Variants in CNTNAP5 observed in about 807,000 individuals in gnomAD.
CNTNAP5 encodes the protein contactin associated protein family member 5, also known as contactin-associated protein-like 5.
A neutral mutation model predicts 150.2 loss-of-function variants in CNTNAP5; 72 were observed. That is an observed-to-expected ratio of 0.48 (90% CI 0.40 to 0.58). The LOEUF (loss-of-function observed/expected upper bound fraction) is 0.58, where lower values mean the gene tolerates loss of function less well. Ranked by LOEUF, CNTNAP5 falls within the 20% of genes least tolerant of loss-of-function variation. CNTNAP5 has a pLI of 0.00. For synonymous variants in CNTNAP5, 672 were observed against 619.8 expected, an observed-to-expected ratio of 1.08 and a Z score of -1.25; for missense variants, 1,636 against 1,626.2, an observed-to-expected ratio of 1.01 and a Z score of -0.10.
intron 4 of CNTNAP5, among the ~76,000 whole-genome samples, chr2:124,425,679 C>G (rs1355244832): frequency 6.6e-6 from 1 of 152,086 alleles, no homozygotes; most frequent in African/African-American, 2.4e-5. Flanking sequence ...TTCAATCCCA[C>G]AAGTCCTCAT....
intron 5 of CNTNAP5, among the ~76,000 whole-genome samples, chr2:124,445,247 G>T (rs1186203220): frequency 2.6e-5 from 4 of 151,558 alleles, no homozygotes; most frequent in Admixed American, 2.0e-4. Flanking sequence ...CCATCACCTT[G>T]CCTGGCTAAT....
intron 21 of CNTNAP5, among the ~76,000 whole-genome samples, chr2:124,883,517 C>T (rs796850929): frequency 1.6e-4 from 25 of 152,134 alleles, no homozygotes; most frequent in African/African-American, 6.0e-4. Flanking sequence ...CCAAGCTAAG[C>T]TTTCAGAGTT....
chr2:124,056,693 C>A, intron 1 of CNTNAP5, among the ~76,000 whole-genome samples: 1 of 152,110 alleles, frequency 6.6e-6, no homozygotes, highest in East Asian at 1.9e-4. Flanking sequence ...GGAGTGACTA[C>A]TCCTGCCATG....
chr2:124,485,059 C>G (rs1266421051), intron 7 of CNTNAP5, among the ~76,000 whole-genome samples: 1 of 152,032 alleles, frequency 6.6e-6, no homozygotes, highest in Non-Finnish European at 1.5e-5. Context: ...CACCTTTTGT[C>G]ACAAGATTCA....
At position 124,279,945 on chromosome 2, in the gene CNTNAP5, C is replaced by G. The variant is rs146220756; in HGVS notation, c.381+37552C>G. Among the ~76,000 whole-genome samples the G allele has an allele frequency of 2.8e-3, 427 of 152,140 alleles. 3 individuals carry two copies. Among genetic ancestry groups the G allele is most frequent in the Admixed American group, 9.0e-3 (138 of 15,262 alleles). On this transcript the variant is annotated intron_variant, in intron 3 of 23. Transcript: ENST00000682447. ...AAAAAATGTACATTTAACCTCTGTTCCATGCCTTTCGTCCTCCTAATATTT... is the reference window on the plus strand; with the variant it reads ...AAAAAATGTACATTTAACCTCTGTTGCATGCCTTTCGTCCTCCTAATATTT...
intron 13 of CNTNAP5, among the ~76,000 whole-genome samples, chr2:124,713,947 G>A (rs1573567827): frequency 6.6e-6 from 1 of 152,080 alleles, no homozygotes; most frequent in Non-Finnish European, 1.5e-5. Flanking sequence ...ATGAATTACA[G>A]CCTCCAGATA....
intron 6 of CNTNAP5, among the ~76,000 whole-genome samples, chr2:124,459,234 T>C (rs2104818833): frequency 6.6e-6 from 1 of 152,294 alleles, no homozygotes; most frequent in African/African-American, 2.4e-5. Context: ...AGCCACAGGC[T>C]TGCACCGCAG....
chr2:124,834,240 A>G (rs1041736393), intron 19 of CNTNAP5, among the ~76,000 whole-genome samples: 9 of 152,130 alleles, frequency 5.9e-5, no homozygotes, highest in African/African-American at 2.2e-4. Context: ...ACAAACTTCA[A>G]ATTTGAGTGG....
intron 1 of CNTNAP5, among the ~76,000 whole-genome samples, chr2:124,110,872 G>T (rs1477648671): frequency 1.3e-5 from 2 of 152,108 alleles, no homozygotes; most frequent in African/African-American, 4.8e-5. Context: ...TCTGCACAAA[G>T]GCCCTTGATA....
chr2:124,892,785 G>A (rs1433394552), intron 21 of CNTNAP5, among the ~76,000 whole-genome samples: 1 of 152,104 alleles, frequency 6.6e-6, no homozygotes, highest in Non-Finnish European at 1.5e-5. Flanking sequence ...TTTGAAGCGG[G>A]CTGCAAAACA....
At chr2:124,480,033 A>G (rs1056486795) in intron 7 of CNTNAP5, among the ~76,000 whole-genome samples, 1 of 152,190 alleles carries the variant, frequency 6.6e-6, no homozygotes, top group Non-Finnish European at 1.5e-5. Context: ...TTGACATATA[A>G]GCCAATATTT....
At chr2:124,182,039 G>A (rs1176904435) in intron 1 of CNTNAP5, among the ~76,000 whole-genome samples, 1 of 152,164 alleles carries the variant, frequency 6.6e-6, no homozygotes, top group Admixed American at 6.5e-5. Flanking sequence ...GCTATAATAT[G>A]TAGAGTTTTG....
chr2:124,515,782 A>G (rs987494812), intron 8 of CNTNAP5, among the ~76,000 whole-genome samples: 2 of 152,194 alleles, frequency 1.3e-5, no homozygotes, highest in Non-Finnish European at 2.9e-5. Context: ...TAATGAACAC[A>G]TGGTCCAGCT....
chr2:124,439,090 C>G (rs1692612277), intron 5 of CNTNAP5, among the ~76,000 whole-genome samples: 1 of 152,050 alleles, frequency 6.6e-6, no homozygotes, highest in Non-Finnish European at 1.5e-5. Flanking sequence ...AAATATCAGG[C>G]AAACAATATG....
intron 7 of CNTNAP5, among the ~76,000 whole-genome samples, chr2:124,495,451 G>A (rs1457926900): frequency 6.6e-6 from 1 of 152,232 alleles, no homozygotes; most frequent in East Asian, 1.9e-4. Flanking sequence ...CCATCTCTGA[G>A]GCCAAAGGCA....
intron 3 of CNTNAP5, among the ~76,000 whole-genome samples, chr2:124,333,979 T>G (rs1163381407): frequency 2.0e-5 from 3 of 152,072 alleles, no homozygotes; most frequent in Admixed American, 6.6e-5. Flanking sequence ...AAAGGTCGAG[T>G]GTCCTCTTAC....
At position 124,699,973 on chromosome 2, in the gene CNTNAP5, A is replaced by G. The variant is rs562368079; in HGVS notation, c.2078-47256A>G. On this transcript the variant is annotated intron_variant, in intron 13 of 23. Transcript: ENST00000682447. Reference sequence around the variant, plus strand: ...GATCTTAAATACGTTCATCAACCCAAAATGAAACCCTGTACTTGTTAGCAA... The same window carrying G: ...GATCTTAAATACGTTCATCAACCCAGAATGAAACCCTGTACTTGTTAGCAA... 2.6e-5 allele frequency among the ~76,000 whole-genome samples: 4 copies of G among 152,286 alleles called. No individual in the cohort carries two copies. In the South Asian group the frequency reaches 8.3e-4, roughly 32 times the overall value.
chr2:124,731,511 T>G (rs13400133), intron 13 of CNTNAP5, among the ~76,000 whole-genome samples: 39,022 of 150,404 alleles, frequency 0.26, 5,581 homozygotes, highest in Non-Finnish European at 0.34. Context: ...TATGGGGAGA[T>G]CAGAGGGAAC....
chr2:124,855,166 GCTTTTTTTTTTTTTTTT>G, intron 19 of CNTNAP5, among the ~76,000 whole-genome samples: 1 of 77,538 alleles, frequency 1.3e-5, no homozygotes, highest in African/African-American at 4.5e-5. Context: ...TTGGGCTTTT[GCTTTTTTTTTTTTTTTT>G]TTTTTTTTTT....
Sources: allele counts gnomAD v4.1 joint callset (sites outside exome capture counted in the v4.1 genomes callset), GRCh38; gene constraint gnomAD v4.1.1; transcripts MANE v1.5; gene names NCBI Gene and HGNC (gene_info 2026-07-23, HGNC 2026-07-21).